ABLIM1: variants seen among roughly 807,000 people sequenced by gnomAD.
ABLIM1 encodes actin-binding LIM protein 1.
ABLIM1 carries 40 observed loss-of-function variants against 107.0 expected under a neutral mutation model. The ratio of observed to expected loss-of-function variants is 0.37; its 90% CI spans 0.29 to 0.49. ABLIM1 has a LOEUF of 0.49. Ranked by LOEUF, ABLIM1 falls within the 20% of genes least tolerant of loss-of-function variation. ABLIM1 has a pLI of 0.97. For missense variants in ABLIM1, 857 were observed against 1,008.5 expected, an observed-to-expected ratio of 0.85 and a Z score of 2.04; for synonymous variants, 357 against 357.3, an observed-to-expected ratio of 1.00 and a Z score of 0.01.
chr10:114,440,603 C>T (rs1486263319), intron 19 of ABLIM1, among the ~76,000 whole-genome samples: 2 of 152,002 alleles, frequency 1.3e-5, no homozygotes, highest in Non-Finnish European at 2.9e-5. Context: ...GTGCCACCAG[C>T]TAATTATTAT....
At chr10:114,631,822 C>A in intron 1 of ABLIM1, 1 of 1,278,536 alleles carries the variant, frequency 7.8e-7, no homozygotes, top group Non-Finnish European at 1.0e-6. Context: ...TTCGATTGAT[C>A]ATTCCCCGTT....
chr10:114,523,317 C>CT (rs1223253977), intron 6 of ABLIM1, among the ~76,000 whole-genome samples: 1 of 152,138 alleles, frequency 6.6e-6, no homozygotes, highest in Non-Finnish European at 1.5e-5. Context: ...CTGCACCCCC[C>CT]TTGCCCTGAT....
chr10:114,441,771 G>A lies in ABLIM1; in HGVS notation c.1949C>T (p.Ser650Leu). 6 of 1,613,876 alleles carry A rather than the reference G, an allele frequency of 3.7e-6. No individual in the cohort carries two copies. The highest frequency in any genetic ancestry group is 5.1e-6 in the Non-Finnish European group (6 of 1,179,778). Residue 650 changes from serine to leucine, a missense_variant, in exon 18 of 23, where the codon TCA becomes TTA. Transcript: ENST00000533213. ...SPINSASHIP[S>L]SKTASLPGYG... Reference sequence around the variant, plus strand: ...GCCAGGGAGAGATGCAGTTTTAGATGATGGAATATGTGAAGCTGAGTAAGA... The same window carrying A: ...GCCAGGGAGAGATGCAGTTTTAGATAATGGAATATGTGAAGCTGAGTAAGA...
At chr10:114,521,713 C>T (rs1298440128) in intron 6 of ABLIM1, among the ~76,000 whole-genome samples, 2 of 152,084 alleles carry the variant, frequency 1.3e-5, no homozygotes, top group East Asian at 3.9e-4. Context: ...TTCATCCATC[C>T]TTCTATCCAT....
chr10:114,632,222 T>C, intron 1 of ABLIM1: 1 of 985,316 alleles, frequency 1.0e-6, no homozygotes, highest in South Asian at 4.7e-5. Context: ...CTGTAACAAA[T>C]GCAAAATTCT....
intron 2 of ABLIM1, 61 bp downstream of exon 2, chr10:114,601,766 G>A: frequency 6.2e-7 from 1 of 1,612,510 alleles, no homozygotes; most frequent in Non-Finnish European, 8.5e-7. Flanking sequence ...GGGATGGGCT[G>A]GACCCAAGGC....
chr10:114,775,640 T>C, the ABLIM1 span, among the ~76,000 whole-genome samples: 1,081 of 152,310 alleles, frequency 7.1e-3, 7 homozygotes, highest in African/African-American at 0.025. Flanking sequence ...CATCAAATCA[T>C]AGTGAATGGA....
chr10:114,445,395 T>C lies in ABLIM1; in HGVS notation c.1744A>G (p.Met582Val), dbSNP rs749095604. 2 of 1,614,140 alleles carry C rather than the reference T, an allele frequency of 1.2e-6. No individual in the cohort carries two copies. Among genetic ancestry groups the C allele is most frequent in the South Asian group, 2.2e-5 (2 of 91,074 alleles). ...TCTCTGCCACTAGATCTGCGTTTCATGTCAGGTCCTAATTCCACAGCAAAG... is the reference window on the plus strand; with the variant it reads ...TCTCTGCCACTAGATCTGCGTTTCACGTCAGGTCCTAATTCCACAGCAAAG... ...PPSFAVVGPD[M>V]KRRSSGREED... Residue 582 changes from methionine (M) to valine (V), a missense_variant, in exon 16 of 23, where the codon ATG (methionine) becomes GTG (valine). By Grantham distance (21) the Met-to-Val change is conservative. Coordinates refer to ENST00000533213, the MANE Select transcript of ABLIM1 (RefSeq NM_002313.7).
At chr10:114,626,725 C>T (rs951719513) in intron 1 of ABLIM1, among the ~76,000 whole-genome samples, 1 of 152,112 alleles carries the variant, frequency 6.6e-6, no homozygotes, top group East Asian at 1.9e-4. Flanking sequence ...AGTCCGAACC[C>T]CCAGTATCTC....
intron 19 of ABLIM1, 178 bp downstream of exon 19, chr10:114,440,838 AT>A (rs1565215558): frequency 1.4e-6 from 1 of 719,988 alleles, no homozygotes; most frequent in Non-Finnish European, 2.5e-6. Flanking sequence ...TTACAGTTTG[AT>A]TTCATTAGAT....
intron 6 of ABLIM1, among the ~76,000 whole-genome samples, chr10:114,518,681 C>T (rs957056197): frequency 2.6e-5 from 4 of 151,590 alleles, no homozygotes; most frequent in Admixed American, 6.6e-5. Flanking sequence ...TTAGCCCATA[C>T]GTAGCTGAGA....
rs931524045 is a variant in ABLIM1 at position 114,575,490 on chromosome 10, C to T, written c.489G>A (p.Glu163=). The change falls in exon 3 of 23, where the codon GAG becomes GAA. Residue 163 remains glutamate (E), a synonymous_variant. Transcript: ENST00000533213. ...CAGTCACCACTTCGCCCTCCACGAA[C>T]TCCCCACAGCCATGGCAGCGTGTCC... ...MYGTRCHGCG[E]FVEGEVVTAL... 6.2e-6 allele frequency: 10 copies of T among 1,614,234 alleles called. No homozygotes were observed. Among genetic ancestry groups the T allele is most frequent in the South Asian group, 1.1e-5 (1 of 91,080 alleles).
chr10:114,681,423 G>A (rs1377938417), intron 1 of ABLIM1, among the ~76,000 whole-genome samples: 2 of 152,132 alleles, frequency 1.3e-5, no homozygotes, highest in African/African-American at 4.8e-5. Context: ...TCGAACTTCT[G>A]ACCTCAAGTG....
chr10:114,628,743 C>T (rs2483609), intron 1 of ABLIM1, among the ~76,000 whole-genome samples: 49,287 of 152,168 alleles, frequency 0.32, 9,441 homozygotes, highest in East Asian at 0.53. Flanking sequence ...TTCTTTATTA[C>T]TTAAAATGAG....
At chr10:114,443,060 G>C (rs572965732) in intron 17 of ABLIM1, among the ~76,000 whole-genome samples, 4 of 151,948 alleles carry the variant, frequency 2.6e-5, no homozygotes, top group Non-Finnish European at 1.5e-5. Flanking sequence ...GGATGGTCTC[G>C]ATCTCCTGAC....
intron 1 of ABLIM1, among the ~76,000 whole-genome samples, chr10:114,693,883 G>A (rs747318356): frequency 2.7e-5 from 4 of 146,590 alleles, no homozygotes; most frequent in Non-Finnish European, 4.5e-5. Flanking sequence ...GGCTGGTCTC[G>A]AGCTCCTGGC....
intron 1 of ABLIM1, among the ~76,000 whole-genome samples, chr10:114,633,347 A>G (rs1049546853): frequency 6.6e-6 from 1 of 152,100 alleles, no homozygotes; most frequent in Non-Finnish European, 1.5e-5. Flanking sequence ...CTTCACATTC[A>G]TCTTGGGCAG....
rs191055586 is a variant in ABLIM1 at position 114,513,161 on chromosome 10, T to C, written c.895-21283A>G. 3.3e-4 allele frequency among the ~76,000 whole-genome samples: 51 copies of C among 152,318 alleles called. No homozygotes were observed. The Middle Eastern group carries it at 0.01, about 30-fold the overall frequency. On this transcript the variant is annotated intron_variant, in intron 6 of 22. Transcript: ENST00000533213. The stretch of plus-strand genomic sequence containing the variant: ...TCTCACCTAAAGTTACTTTTCTGTG[T>C]AATTTTTCAGGTACAACAATCTGCT...
chr10:114,644,322 T>TATTGTATATATAC (rs1566166963), intron 1 of ABLIM1, among the ~76,000 whole-genome samples: 14 of 119,238 alleles, frequency 1.2e-4, no homozygotes, highest in African/African-American at 4.6e-4. Context: ...TATATATATA[T>TATTGTATATATAC]ATATATATGT....
Sources: allele counts gnomAD v4.1 joint callset (sites outside exome capture counted in the v4.1 genomes callset), GRCh38; gene constraint gnomAD v4.1.1; transcripts MANE v1.5; gene names NCBI Gene and HGNC (gene_info 2026-07-23, HGNC 2026-07-21).